Variants in UBR2 observed in about 807,000 individuals in gnomAD.
The protein encoded by UBR2 is E3 ubiquitin-protein ligase UBR2.
In UBR2, 92 loss-of-function variants were observed where a neutral mutation model predicts 247.9. The observed-to-expected ratio is 0.37, with a 90% CI of 0.31 to 0.44. UBR2 has a LOEUF of 0.44. UBR2 is among the 20% of genes least tolerant of loss of function. UBR2 has a pLI of 1.00. For missense variants in UBR2, 1,613 were observed against 2,112.6 expected, an observed-to-expected ratio of 0.76 and a Z score of 4.64; for synonymous variants, 672 against 693.5, an observed-to-expected ratio of 0.97 and a Z score of 0.49.
chr6:42,681,883 G>A (rs995660197), intron 42 of UBR2, among the ~76,000 whole-genome samples: 15 of 152,192 alleles, frequency 9.9e-5, no homozygotes, highest in Non-Finnish European at 1.8e-4. Flanking sequence ...ACAAAATGTG[G>A]TGTGTACACA....
intron 5 of UBR2, 147 bp downstream of exon 5, chr6:42,603,865 T>A: frequency 1.2e-6 from 1 of 856,298 alleles, no homozygotes; most frequent in Non-Finnish European, 1.7e-6. Context: ...GTGATCCATT[T>A]AATTGGTGGA....
chr6:42,633,144 C>T (rs943588264), intron 13 of UBR2, among the ~76,000 whole-genome samples: 11 of 150,196 alleles, frequency 7.3e-5, no homozygotes, highest in Admixed American at 6.6e-4. Flanking sequence ...GGCGCAGGCA[C>T]GGGCCCAGGC....
intron 23 of UBR2, 82 bp from the exon 24 acceptor site, chr6:42,651,941 C>T: frequency 7.3e-7 from 1 of 1,360,742 alleles, no homozygotes; most frequent in Non-Finnish European, 1.0e-6. Flanking sequence ...GAAACCCCAC[C>T]TCTACTAAAA....
chr6:42,564,696 A>G (rs1409165258), intron 1 of UBR2, among the ~76,000 whole-genome samples: 1 of 152,174 alleles, frequency 6.6e-6, no homozygotes, highest in Non-Finnish European at 1.5e-5. Context: ...AAGTCTCCCA[A>G]CACATGGGCC....
At chr6:42,618,870 G>A (rs528016653) in intron 11 of UBR2, among the ~76,000 whole-genome samples, 5 of 152,214 alleles carry the variant, frequency 3.3e-5, no homozygotes, top group South Asian at 2.1e-4. Flanking sequence ...ACTGGATGTC[G>A]GGTTTGAAGA....
chr6:42,682,804 G>A (rs2151993251), intron 42 of UBR2, among the ~76,000 whole-genome samples: 1 of 152,314 alleles, frequency 6.6e-6, no homozygotes, highest in Non-Finnish European at 1.5e-5. Flanking sequence ...TTTTTCTAGA[G>A]TATCCAAATT....
At chr6:42,566,518 G>A (rs536172702) in intron 1 of UBR2, among the ~76,000 whole-genome samples, 1 of 152,274 alleles carries the variant, frequency 6.6e-6, no homozygotes, top group African/African-American at 2.4e-5. Context: ...CCGAATTACA[G>A]CTGGGATTAC....
chr6:42,645,627 A>T (rs202016695), intron 21 of UBR2, 37 bp downstream of exon 21: 292 of 1,602,212 alleles, frequency 1.8e-4, no homozygotes, highest in Non-Finnish European at 2.4e-4. Context: ...AACCATAGAA[A>T]CTTTTCCCTG....
intron 44 of UBR2, among the ~76,000 whole-genome samples, chr6:42,686,212 C>T (rs192332877): frequency 2.0e-4 from 31 of 152,046 alleles, no homozygotes; most frequent in Non-Finnish European, 3.2e-4. Flanking sequence ...TTTTCCTAGG[C>T]AGAGGTCCCT....
At chr6:42,661,786 A>G (rs1033804560) in intron 30 of UBR2, among the ~76,000 whole-genome samples, 2 of 152,138 alleles carry the variant, frequency 1.3e-5, no homozygotes, top group Non-Finnish European at 2.9e-5. Context: ...ATTAGCGATC[A>G]TTTTAACCCA....
chr6:42,633,005 G>A (rs1379854233), intron 13 of UBR2, 101 bp downstream of exon 13: 5 of 780,200 alleles, frequency 6.4e-6, no homozygotes, highest in African/African-American at 5.7e-5. Flanking sequence ...AAGAGATGGG[G>A]GTCTCACTGT....
intron 2 of UBR2, among the ~76,000 whole-genome samples, chr6:42,587,982 T>C (rs925456485): frequency 6.6e-6 from 1 of 152,216 alleles, no homozygotes; most frequent in Non-Finnish European, 1.5e-5. Flanking sequence ...TCTCCAACTC[T>C]GAATATTGGC....
At chr6:42,684,393 G>A (rs568420537) in intron 43 of UBR2, among the ~76,000 whole-genome samples, 6 of 151,742 alleles carry the variant, frequency 4.0e-5, no homozygotes, top group South Asian at 2.1e-4. Flanking sequence ...TGGCTAATAC[G>A]GTGAAACCCT....
rs1282800367 is a variant in UBR2 at position 42,640,243 on chromosome 6, A to G, written c.1893A>G (p.Ala631=). Residue 631 remains alanine, a synonymous_variant, in exon 16 of 47, where the codon GCA becomes GCG. Coordinates refer to ENST00000372901, the MANE Select transcript of UBR2 (RefSeq NM_001363705.2). ...TATTATTAAGCAAAAGTGAAGTGGC[A>G]TATAAATTTCCAGAGCTCCTACCTC... ...LHVLLSKSEV[A]YKFPELLPLS... is the part of the protein sequence containing the mutation. 6 of 1,607,982 alleles carry G rather than the reference A, an allele frequency of 3.7e-6. No homozygotes were observed. The African/African-American group carries it at 5.4e-5, about 14-fold the overall frequency.
intron 11 of UBR2, among the ~76,000 whole-genome samples, chr6:42,620,801 T>TTTTG (rs150567240): frequency 0.023 from 3,474 of 151,638 alleles, 120 homozygotes; most frequent in African/African-American, 0.079. Flanking sequence ...CATGTACTAA[T>TTTTG]TTTGTTTGTT....
chr6:42,682,046 C>G (rs1295881731), intron 42 of UBR2, among the ~76,000 whole-genome samples: 1 of 152,120 alleles, frequency 6.6e-6, no homozygotes, highest in Non-Finnish European at 1.5e-5. Context: ...TGCACTCCAG[C>G]CTGAGTGACA....
rs548605037 is a variant in UBR2, at chr6:42,604,062, AG to A, written c.662+346del. On this transcript the variant is annotated intron_variant, in intron 5 of 46. Transcript: ENST00000372901. ...GTTTATTATATGTTAATATCATTAT[AG>A]GAAATAAACTCTTTGATATAAATGA... 1.5e-3 allele frequency among the ~76,000 whole-genome samples: 225 copies of A among 152,352 alleles called. 2 individuals are homozygous for A. Among genetic ancestry groups the A allele is most frequent in the African/African-American group, 4.7e-3 (194 of 41,578 alleles).
chr6:42,664,300 A>C (rs977598612), intron 32 of UBR2: 4 of 152,250 alleles, frequency 2.6e-5, no homozygotes, highest in Non-Finnish European at 5.9e-5. Context: ...GCAGACTAAA[A>C]AAAAATAAGA....
intron 14 of UBR2, among the ~76,000 whole-genome samples, chr6:42,636,214 G>C (rs1190745768): frequency 3.9e-5 from 5 of 127,864 alleles, no homozygotes; most frequent in Non-Finnish European, 6.3e-5. Context: ...AGCTTACTCT[G>C]TTGCCCAGGC....
Sources: allele counts gnomAD v4.1 joint callset (sites outside exome capture counted in the v4.1 genomes callset), GRCh38; gene constraint gnomAD v4.1.1; transcripts MANE v1.5; gene names NCBI Gene and HGNC (gene_info 2026-07-23, HGNC 2026-07-21).